Variants in COL25A1 observed in about 807,000 individuals in gnomAD.
The protein encoded by COL25A1 is collagen alpha-1(XXV) chain.
A neutral mutation model predicts 128.4 loss-of-function variants in COL25A1; 103 were observed. That is an observed-to-expected ratio of 0.80 (90% CI 0.68 to 0.94). The LOEUF (loss-of-function observed/expected upper bound fraction) is 0.94. Ranked by LOEUF, COL25A1 falls within the 40% of genes least tolerant of loss-of-function variation. The pLI is 0.00. For missense variants in COL25A1, 745 were observed against 840.0 expected (o/e 0.89, Z 1.40); for synonymous variants, 279 against 277.2 (o/e 1.01, Z -0.06).
At chr4:109,261,437 A>G (rs1230424200) in intron 3 of COL25A1, among the ~76,000 whole-genome samples, 1 of 152,180 alleles carries the variant, frequency 6.6e-6, no homozygotes. Flanking sequence ...GAATCGCTTG[A>G]ACCTGGGTGA....
intron 3 of COL25A1, among the ~76,000 whole-genome samples, chr4:109,153,745 A>G (rs374443160): frequency 6.6e-6 from 1 of 152,248 alleles, no homozygotes; most frequent in East Asian, 1.9e-4. Context: ...TATATGCTCA[A>G]CATGGTTATG....
intron 11 of COL25A1, among the ~76,000 whole-genome samples, chr4:108,925,957 T>C (rs1320366579): frequency 1.3e-5 from 2 of 152,154 alleles, no homozygotes; most frequent in East Asian, 1.9e-4. Context: ...AAACAGTAGA[T>C]AGAATTATCA....
chr4:108,824,390 T>C (rs1006073379), intron 34 of COL25A1, among the ~76,000 whole-genome samples, 163 bp from the exon 35 acceptor site: 3 of 152,146 alleles, frequency 2.0e-5, no homozygotes, highest in Admixed American at 6.6e-5. Flanking sequence ...GAAACATAAG[T>C]TTTCTAATGT....
chr4:109,077,118 C>T (rs949416191), intron 3 of COL25A1, among the ~76,000 whole-genome samples: 7 of 152,110 alleles, frequency 4.6e-5, no homozygotes, highest in Non-Finnish European at 7.4e-5. Context: ...AGCTAATTGG[C>T]ACAACACCAA....
chr4:109,266,162 G>A (rs1312994463), intron 3 of COL25A1, among the ~76,000 whole-genome samples: 3 of 152,120 alleles, frequency 2.0e-5, no homozygotes, highest in Non-Finnish European at 4.4e-5. Context: ...AACTTCTTTA[G>A]GGCTCATTTA....
chr4:109,181,044 G>T (rs988198728), intron 3 of COL25A1, among the ~76,000 whole-genome samples: 4 of 152,060 alleles, frequency 2.6e-5, no homozygotes, highest in African/African-American at 9.7e-5. Flanking sequence ...GAGCAAAGTG[G>T]GCTCTGTCCA....
chr4:108,907,590 C>A (rs1743686045), intron 13 of COL25A1, among the ~76,000 whole-genome samples: 2 of 152,136 alleles, frequency 1.3e-5, no homozygotes, highest in African/African-American at 4.8e-5. Context: ...AGGAGCCAAG[C>A]CAGTCATTCT....
intron 13 of COL25A1, among the ~76,000 whole-genome samples, chr4:108,909,819 A>T (rs1743998503): frequency 6.6e-6 from 1 of 152,212 alleles, no homozygotes; most frequent in Non-Finnish European, 1.5e-5. Context: ...TCCCTGCCTG[A>T]TAATTTCCTC....
At chr4:109,134,982 A>G (rs1446559115) in intron 3 of COL25A1, among the ~76,000 whole-genome samples, 1 of 151,542 alleles carries the variant, frequency 6.6e-6, no homozygotes, top group Non-Finnish European at 1.5e-5. Flanking sequence ...GGAACTCAAG[A>G]AGATAACAGA....
At chr4:109,014,275 C>T (rs1180169466) in intron 5 of COL25A1, among the ~76,000 whole-genome samples, 1 of 151,180 alleles carries the variant, frequency 6.6e-6, no homozygotes, top group Non-Finnish European at 1.5e-5. Context: ...CCACTGTACT[C>T]TAGCCTCAGT....
intron 3 of COL25A1, among the ~76,000 whole-genome samples, chr4:109,115,991 C>T (rs984230120): frequency 6.6e-5 from 10 of 151,990 alleles, no homozygotes; most frequent in Non-Finnish European, 8.8e-5. Context: ...GGACAAATCA[C>T]GGCTCCAAAA....
intron 3 of COL25A1, among the ~76,000 whole-genome samples, chr4:109,102,832 C>T (rs1766026411): frequency 1.3e-5 from 2 of 152,104 alleles, no homozygotes; most frequent in African/African-American, 4.8e-5. Context: ...TTTATGCTTA[C>T]AGTCAGTTCC....
intron 3 of COL25A1, among the ~76,000 whole-genome samples, chr4:109,104,459 T>C (rs142335386): frequency 4.6e-5 from 7 of 152,162 alleles, no homozygotes; most frequent in South Asian, 2.1e-4. Flanking sequence ...CCAATCAATG[T>C]TTACTAAAGT....
At chr4:108,841,760 T>A in intron 30 of COL25A1, 39 bp from the exon 31 acceptor site, 1 of 1,511,592 alleles carries the variant, frequency 6.6e-7, no homozygotes, top group South Asian at 1.1e-5. Flanking sequence ...AAGAATTGAT[T>A]CCCTGTTTCC....
chr4:108,983,169 CTTCT>C (rs1392542761), intron 6 of COL25A1, among the ~76,000 whole-genome samples: 7 of 151,374 alleles, frequency 4.6e-5, no homozygotes, highest in Non-Finnish European at 1.0e-4. Context: ...ATTGCTAAAA[CTTCT>C]TTGTTTAACT....
chr4:109,078,354 G>T (rs1341913811), intron 3 of COL25A1, among the ~76,000 whole-genome samples: 1 of 152,126 alleles, frequency 6.6e-6, no homozygotes, highest in East Asian at 1.9e-4. Flanking sequence ...GTGAATTTCA[G>T]CAGTACTTTA....
chr4:109,165,127 A>G (rs1772943700), intron 3 of COL25A1, among the ~76,000 whole-genome samples: 1 of 152,246 alleles, frequency 6.6e-6, no homozygotes, highest in Non-Finnish European at 1.5e-5. Context: ...TATCAGAAAT[A>G]AGAATTCAAG....
At chr4:108,830,567 G>T (rs1372834936) in intron 32 of COL25A1, among the ~76,000 whole-genome samples, 1 of 152,194 alleles carries the variant, frequency 6.6e-6, no homozygotes. Context: ...GGAGAGTACT[G>T]ATATATGATC....
At chr4:108,977,953 C>A (rs983759114) in intron 6 of COL25A1, among the ~76,000 whole-genome samples, 1 of 152,204 alleles carries the variant, frequency 6.6e-6, no homozygotes, top group East Asian at 1.9e-4. Flanking sequence ...CCCATTGTAC[C>A]AGTCCTCTAA....
Sources: allele counts gnomAD v4.1 joint callset (sites outside exome capture counted in the v4.1 genomes callset), GRCh38; gene constraint gnomAD v4.1.1; transcripts MANE v1.5; gene names NCBI Gene and HGNC (gene_info 2026-07-23, HGNC 2026-07-21).